Variants in DGKB observed in about 807,000 individuals in gnomAD.
The protein encoded by DGKB is diacylglycerol kinase beta.
Under a neutral mutation model 114.3 loss-of-function variants are expected in DGKB, and 67 were observed. The observed-to-expected ratio is 0.59, with a 90% CI of 0.48 to 0.72. The LOEUF (loss-of-function observed/expected upper bound fraction) is 0.72. Ranked by LOEUF, DGKB falls within the 30% of genes least tolerant of loss-of-function variation. The pLI is 0.00. For synonymous variants in DGKB, 398 were observed against 323.1 expected, an observed-to-expected ratio of 1.23 and a Z score of -2.49; for missense variants, 907 against 975.2, an observed-to-expected ratio of 0.93 and a Z score of 0.93.
chr7:14,467,004 G>T (rs1780574845), intron 21 of DGKB, among the ~76,000 whole-genome samples: 1 of 151,948 alleles, frequency 6.6e-6, no homozygotes, highest in Non-Finnish European at 1.5e-5. Flanking sequence ...GTTTCTGGAG[G>T]ACATGGTCAA....
chr7:14,511,923 G>A (rs1788034077), intron 20 of DGKB, among the ~76,000 whole-genome samples: 1 of 152,168 alleles, frequency 6.6e-6, no homozygotes, highest in Admixed American at 6.5e-5. Flanking sequence ...CAGAATTGAT[G>A]AGGTTCACTC....
At chr7:14,868,334 C>A (rs987871547) in intron 1 of DGKB, among the ~76,000 whole-genome samples, 15 of 107,424 alleles carry the variant, frequency 1.4e-4, no homozygotes, top group African/African-American at 4.9e-4. Flanking sequence ...TTTTTCTTTC[C>A]TTTTCATTTT....
intron 2 of DGKB, among the ~76,000 whole-genome samples, chr7:14,775,649 G>A (rs898982830): frequency 7.9e-5 from 12 of 151,934 alleles, no homozygotes; most frequent in African/African-American, 2.7e-4. Context: ...TCCCAATTTC[G>A]TTCTGCATTT....
intron 5 of DGKB, among the ~76,000 whole-genome samples, chr7:14,720,123 C>T (rs1828896077): frequency 6.6e-6 from 1 of 151,710 alleles, no homozygotes; most frequent in Admixed American, 6.6e-5. Flanking sequence ...CGCACACACA[C>T]ATTAGTGGGA....
At chr7:14,769,243 AAAGAAAG>A (rs1837023249) in intron 2 of DGKB, among the ~76,000 whole-genome samples, 1 of 127,200 alleles carries the variant, frequency 7.9e-6, no homozygotes, top group Non-Finnish European at 1.6e-5. Context: ...AGAAAGAAAG[AAAGAAAG>A]AAAGAAAGAA....
rs200803365 is a variant in DGKB at position 14,892,862 on chromosome 7, A to ATGTGTGTG, written c.-188+9729_-188+9730insCACACACA. Among the ~76,000 whole-genome samples, 332 of 76,234 alleles carry ATGTGTGTG rather than the reference A, an allele frequency of 4.4e-3. 2 individuals are homozygous for ATGTGTGTG. Among genetic ancestry groups the ATGTGTGTG allele is most frequent in the Middle Eastern group, 0.022 (4 of 182 alleles). 50.0% of individuals were successfully genotyped at this position (76,234 alleles called of 152,430 possible). ...CAAAGTCAACTAATACCATATATAT[A>ATGTGTGTG]TATGTGTGTGTGTGTGTGTGTGTGT... On this transcript the variant is annotated intron_variant, in intron 1 of 25. Transcript: ENST00000402815.
chr7:14,329,696 A>G (rs1300195691), intron 23 of DGKB, among the ~76,000 whole-genome samples: 3 of 152,006 alleles, frequency 2.0e-5, no homozygotes, highest in Non-Finnish European at 4.4e-5. Context: ...TTAGCTTCAA[A>G]TCATTACCCT....
intron 1 of DGKB, among the ~76,000 whole-genome samples, chr7:14,885,800 G>A (rs563781204): frequency 5.9e-5 from 9 of 151,780 alleles, no homozygotes; most frequent in Non-Finnish European, 1.5e-5. Context: ...ATGATTTAAT[G>A]AAAACCAGAC....
At chr7:14,842,466 G>C (rs1295391814) in intron 1 of DGKB, among the ~76,000 whole-genome samples, 4 of 152,146 alleles carry the variant, frequency 2.6e-5, no homozygotes, top group East Asian at 1.9e-4. Context: ...TGATGATATT[G>C]ATGTGCTCAC....
At chr7:14,751,150 AAAC>A (rs1252752910) in intron 4 of DGKB, among the ~76,000 whole-genome samples, 1 of 152,118 alleles carries the variant, frequency 6.6e-6, no homozygotes, top group Non-Finnish European at 1.5e-5. Flanking sequence ...GCACAAGTAA[AAAC>A]AACAGATAAA....
intron 23 of DGKB, among the ~76,000 whole-genome samples, chr7:14,272,155 T>C (rs1172049420): frequency 6.6e-6 from 1 of 152,226 alleles, no homozygotes; most frequent in Non-Finnish European, 1.5e-5. Flanking sequence ...CCAACTGTTA[T>C]TTATATGCTA....
intron 1 of DGKB, among the ~76,000 whole-genome samples, chr7:14,935,802 T>C (rs929384109): frequency 4.6e-5 from 7 of 152,072 alleles, no homozygotes; most frequent in Non-Finnish European, 7.4e-5. Flanking sequence ...AAAAACCTCA[T>C]GGAACTAATA....
At chr7:14,745,725 C>A (rs1462200131) in intron 4 of DGKB, among the ~76,000 whole-genome samples, 1 of 152,162 alleles carries the variant, frequency 6.6e-6, no homozygotes, top group African/African-American at 2.4e-5. Context: ...AGGTGAAAAC[C>A]TGTGTGCAGG....
Position 14,149,251 on chromosome 7 carries a change from AG to A in DGKB, c.2305-14del. 12 of 1,536,960 alleles carry A rather than the reference AG, an allele frequency of 7.8e-6. No individual in the cohort carries two copies. Among genetic ancestry groups the A allele is most frequent in the Admixed American group, 1.7e-5 (1 of 58,418 alleles). ...GTGTAATTTTTATCTAGAAAAAAAG[AG>A]AGAGAGAGAGAGAGAAAGAATAGAG... On this transcript the variant is annotated splice_polypyrimidine_tract_variant and intron_variant, in intron 25 of 25. Transcript: ENST00000402815.
At chr7:14,839,826 C>CT (rs1292436952) in intron 2 of DGKB, among the ~76,000 whole-genome samples, 1 of 150,618 alleles carries the variant, frequency 6.6e-6, no homozygotes, top group Non-Finnish European at 1.5e-5. Context: ...TAGTCATAGA[C>CT]TTTTTTTAGT....
At chr7:14,766,443 G>A (rs1389320123) in intron 2 of DGKB, among the ~76,000 whole-genome samples, 1 of 151,838 alleles carries the variant, frequency 6.6e-6, no homozygotes, top group Non-Finnish European at 1.5e-5. Flanking sequence ...GAGTCCCAGA[G>A]TTGTAGATTT....
At chr7:14,842,286 T>C (rs557226230) in intron 1 of DGKB, among the ~76,000 whole-genome samples, 68 of 152,338 alleles carry the variant, frequency 4.5e-4, no homozygotes, top group Non-Finnish European at 8.7e-4. Context: ...CATTTGGTCT[T>C]AGTGCCTTGC....
intron 23 of DGKB, among the ~76,000 whole-genome samples, chr7:14,206,197 G>A (rs906597280): frequency 3.3e-5 from 5 of 152,016 alleles, no homozygotes; most frequent in Non-Finnish European, 5.9e-5. Context: ...AGGAAAATGT[G>A]TAATTAAAAC....
At chr7:14,744,664 G>C (rs1382837011) in intron 4 of DGKB, among the ~76,000 whole-genome samples, 2 of 152,134 alleles carry the variant, frequency 1.3e-5, no homozygotes, top group Non-Finnish European at 2.9e-5. Context: ...AATTATTCTT[G>C]CTGCACTTTA....
Sources: allele counts gnomAD v4.1 joint callset (sites outside exome capture counted in the v4.1 genomes callset), GRCh38; gene constraint gnomAD v4.1.1; transcripts MANE v1.5; gene names NCBI Gene and HGNC (gene_info 2026-07-23, HGNC 2026-07-21).